The following EFHC2 variants were observed in gnomAD, a reference collection of about 807,000 sequenced individuals.
EFHC2 encodes EF-hand domain containing 2.
EFHC2 carries 18 observed loss-of-function variants against 52.7 expected under a neutral mutation model. The observed-to-expected ratio is 0.34, with a 90% CI of 0.24 to 0.51. EFHC2 has a LOEUF of 0.51. Among genes scored for constraint, EFHC2 ranks in the 20% least tolerant of loss-of-function variants. EFHC2 has a pLI of 0.97. For synonymous variants in EFHC2, 203 were observed against 204.1 expected (o/e 0.99, Z 0.04); for missense variants, 513 against 562.5 (o/e 0.91, Z 0.89).
intron 10 of EFHC2, among the ~76,000 whole-genome samples, chrX:44,230,822 T>C (rs1176714466): frequency 1.8e-5 from 2 of 111,787 alleles, no homozygotes; most frequent in Non-Finnish European, 3.8e-5. Context: ...GCAACACTGA[T>C]TGAGCTTACC....
At chrX:44,334,284 G>A (rs1339136435) in intron 1 of EFHC2, among the ~76,000 whole-genome samples, 1 of 111,988 alleles carries the variant, frequency 8.9e-6, no homozygotes, top group Non-Finnish European at 1.9e-5. Flanking sequence ...TATTTCCAAA[G>A]TATGGATGGC....
rs765705523 is a variant in EFHC2, at chrX:44,195,365, G to A, written c.1752-16801C>T. Among the ~76,000 whole-genome samples, 8 of 111,893 alleles carry A rather than the reference G, an allele frequency of 7.1e-5. No homozygotes were observed. In the East Asian group the frequency reaches 2.0e-3, roughly 28 times the overall value. On this transcript the variant is annotated intron_variant, in intron 11 of 14. Coordinates refer to ENST00000420999, the MANE Select transcript of EFHC2 (RefSeq NM_025184.4). ...CCAGCTGGGCCCAGCTCAGATCAAC[G>A]AACCCTCAGCCAACCCACGGACCTG...
intron 11 of EFHC2, among the ~76,000 whole-genome samples, chrX:44,202,241 C>A (rs1250358594): frequency 9.0e-6 from 1 of 111,338 alleles, no homozygotes; most frequent in East Asian, 2.8e-4. Flanking sequence ...GGTGAAACCC[C>A]GTATCTACTA....
At chrX:44,153,810 T>C (rs1363738331) in intron 14 of EFHC2, among the ~76,000 whole-genome samples, 1 of 112,417 alleles carries the variant, frequency 8.9e-6, no homozygotes, top group Non-Finnish European at 1.9e-5. Context: ...AATCTGCAAA[T>C]GTTCCAAATA....
chrX:44,229,636 G>C lies in EFHC2; in HGVS notation c.1751+13C>G, dbSNP rs756905634. On this transcript the variant is annotated intron_variant, in intron 11 of 14. Transcript: ENST00000420999. ...AGGGGAAAACAGGTGATTGTTAGCA[G>C]AATATGGCTTACCTGAATGTATTAT... The C allele has an allele frequency of 1.5e-5, 18 of 1,210,435 alleles. No individual in the cohort carries two copies. The highest frequency in any genetic ancestry group is 1.9e-5 in the Non-Finnish European group (17 of 894,775).
At chrX:44,203,167 T>C (rs1202912724) in intron 11 of EFHC2, among the ~76,000 whole-genome samples, 1 of 111,759 alleles carries the variant, frequency 8.9e-6, no homozygotes, top group Non-Finnish European at 1.9e-5. Context: ...AAAGCACTTT[T>C]CATGCTTTTC....
chrX:44,250,082 CTGCACTAG>C lies in EFHC2; in HGVS notation c.858+104_858+111del, dbSNP rs768229864. The C allele has an allele frequency of 1.4e-4, 127 of 909,557 alleles. No individual in the cohort carries two copies. The East Asian group carries it at 4.1e-3, about 30-fold the overall frequency. The allele number at this position is 909,557 out of a possible 1,213,427, so 75.0% of individuals were successfully genotyped here. ...CACAAAATGAAAGGTTTCTAAATACCTGCACTAGTGCATGGTTACTATCATCATATAGT... is the reference window on the plus strand; with the variant it reads ...CACAAAATGAAAGGTTTCTAAATACCTGCATGGTTACTATCATCATATAGT... On this transcript the variant is annotated intron_variant, in intron 5 of 14. Coordinates refer to ENST00000420999, the MANE Select transcript of EFHC2 (RefSeq NM_025184.4).
chrX:44,324,717 GC>G (rs1254263906), intron 1 of EFHC2, among the ~76,000 whole-genome samples: 1 of 111,509 alleles, frequency 9.0e-6, no homozygotes, highest in Non-Finnish European at 1.9e-5. Flanking sequence ...AGCATGTGGG[GC>G]CCATAAAATC....
intron 13 of EFHC2, among the ~76,000 whole-genome samples, chrX:44,175,776 G>C (rs1308633323): frequency 9.0e-6 from 1 of 111,282 alleles, no homozygotes; most frequent in African/African-American, 3.3e-5. Flanking sequence ...TGGCTGAGAG[G>C]GACATGCCAG....
chrX:44,341,218 G>T (rs1400817840), intron 1 of EFHC2, among the ~76,000 whole-genome samples: 1 of 111,722 alleles, frequency 9.0e-6, no homozygotes, highest in Non-Finnish European at 1.9e-5. Flanking sequence ...TAATTATAGT[G>T]ATAGGAGCCA....
At chrX:44,235,964 A>C (rs955267465) in intron 8 of EFHC2, among the ~76,000 whole-genome samples, 3 of 110,665 alleles carry the variant, frequency 2.7e-5, no homozygotes, top group Non-Finnish European at 5.7e-5. Flanking sequence ...AACTTCCTTC[A>C]AGGGAAAAAT....
chrX:44,331,558 G>A (rs1013994656), intron 1 of EFHC2, among the ~76,000 whole-genome samples: 1 of 111,951 alleles, frequency 8.9e-6, no homozygotes, highest in Non-Finnish European at 1.9e-5. Context: ...TGAAGCTGGG[G>A]AAATCTGAAT....
intron 11 of EFHC2, among the ~76,000 whole-genome samples, chrX:44,185,295 G>A (rs997536328): frequency 1.3e-4 from 14 of 111,911 alleles, no homozygotes; most frequent in Non-Finnish European, 7.5e-5. Context: ...AAGTGCTAAA[G>A]AAATAAACTC....
At chrX:44,175,362 G>C (rs1194684037) in intron 13 of EFHC2, among the ~76,000 whole-genome samples, 1 of 111,662 alleles carries the variant, frequency 9.0e-6, no homozygotes, top group Non-Finnish European at 1.9e-5. Context: ...AGTGGAAATG[G>C]AGAGGAGAGA....
At chrX:44,282,326 G>A (rs929538245) in intron 2 of EFHC2, among the ~76,000 whole-genome samples, 1 of 105,480 alleles carries the variant, frequency 9.5e-6, no homozygotes, top group African/African-American at 3.5e-5. Context: ...GGACTGGGCC[G>A]GGCACGGTGG....
At chrX:44,237,233 C>T in intron 8 of EFHC2, among the ~76,000 whole-genome samples, 1 of 111,182 alleles carries the variant, frequency 9.0e-6, no homozygotes, top group Admixed American at 9.6e-5. Context: ...TAATAAGCAC[C>T]CCAGAAGATT....
At chrX:44,253,612 A>T (rs2037470216) in intron 4 of EFHC2, among the ~76,000 whole-genome samples, 2 of 112,380 alleles carry the variant, frequency 1.8e-5, no homozygotes, top group South Asian at 7.4e-4. Flanking sequence ...AAAGAAAGGC[A>T]GCAGCCCCAG....
chrX:44,226,793 A>G (rs1411961886), intron 11 of EFHC2, among the ~76,000 whole-genome samples: 1 of 109,901 alleles, frequency 9.1e-6, no homozygotes, highest in Non-Finnish European at 1.9e-5. Flanking sequence ...TACGTAATGT[A>G]GATGATGGGT....
At chrX:44,255,386 A>G (rs771622140) in intron 4 of EFHC2, among the ~76,000 whole-genome samples, 12 of 111,760 alleles carry the variant, frequency 1.1e-4, no homozygotes, top group Middle Eastern at 9.3e-3. Flanking sequence ...CCCATCTCAC[A>G]TGCAAAGACA....
Sources: gnomAD v4.1 joint callset for allele counts (sites outside exome capture counted in the v4.1 genomes callset) on GRCh38, gnomAD v4.1.1 for gene constraint, MANE v1.5 for transcripts, NCBI Gene and HGNC (gene_info 2026-07-23, HGNC 2026-07-21) for gene names.